Variants in KMT2C observed in about 807,000 individuals in gnomAD.
The protein encoded by KMT2C is lysine methyltransferase 2C.
KMT2C carries 88 observed loss-of-function variants against 507.9 expected under a neutral mutation model. The ratio of observed to expected loss-of-function variants is 0.17; its 90% CI spans 0.15 to 0.21. KMT2C has a LOEUF of 0.21. Among genes scored for constraint, KMT2C ranks in the 10% least tolerant of loss-of-function variants. KMT2C has a pLI of 1.00. For synonymous variants in KMT2C, 2,049 were observed against 2,080.8 expected (o/e 0.98, Z 0.42); for missense variants, 4,954 against 5,957.8 (o/e 0.83, Z 5.55).
intron 1 of KMT2C, among the ~76,000 whole-genome samples, chr7:152,433,427 C>CCTT (rs35470283): frequency 0.59 from 89,178 of 151,636 alleles, 27,792 homozygotes; most frequent in African/African-American, 0.8. Flanking sequence ...AATTCAAAAA[C>CCTT]CTCTTTGCTT....
chr7:152,144,914 T>TA lies in KMT2C; in HGVS notation c.14175-34dup. 1 of 1,579,514 alleles carries TA rather than the reference T, an allele frequency of 6.3e-7. No individual in the cohort carries two copies. The highest frequency in any genetic ancestry group is 8.6e-7 in the Non-Finnish European group (1 of 1,158,450). ...CAATGGCATATCAACAGGAAAAAAA[T>TA]ACAAGGAAAACTGAAGATACCTCTG... On this transcript the variant is annotated intron_variant, in intron 54 of 58. Transcript: ENST00000262189. This position sits in a 1 kb window ranked among gnomAD's most constrained non-coding sequence, Gnocchi z 4.4.
At chr7:152,136,956 G>C (rs1439147480) in intron 58 of KMT2C, 32 bp from the exon 59 acceptor site, 2 of 1,541,782 alleles carry the variant, frequency 1.3e-6, no homozygotes, top group Non-Finnish European at 1.8e-6. Context: ...GGTAAGAAAG[G>C]ACAGCAAGGA....
At chr7:152,374,321 A>T (rs2097312391) in intron 1 of KMT2C, among the ~76,000 whole-genome samples, 2 of 146,602 alleles carry the variant, frequency 1.4e-5, no homozygotes, top group African/African-American at 5.5e-5. Flanking sequence ...GTCTCAAAAA[A>T]TAGTAATAAT....
At chr7:152,314,363 A>C (rs1490597777) in intron 4 of KMT2C, among the ~76,000 whole-genome samples, 2 of 152,218 alleles carry the variant, frequency 1.3e-5, no homozygotes, top group East Asian at 1.9e-4. Flanking sequence ...ATTTTTACAC[A>C]TTCTCATCAA....
At chr7:152,264,341 C>T (rs960440852) in intron 8 of KMT2C, among the ~76,000 whole-genome samples, 2 of 152,068 alleles carry the variant, frequency 1.3e-5, no homozygotes, top group Admixed American at 1.3e-4. Context: ...GGTAACATCC[C>T]CAAATTATCA....
rs1349699058 is a variant in KMT2C, at chr7:152,148,322, A to G, written c.13605T>C (p.Ile4535=). The change falls in exon 52 of 59, where the codon ATT becomes ATC. Residue 4535 remains isoleucine, a synonymous_variant. Transcript: ENST00000262189. The surrounding 1 kb of genome is among the most constrained non-coding windows in gnomAD (Gnocchi z 7.1). ...VYVQRDEVRQ[I]ASIVQRGERD... is the part of the protein sequence containing the mutation. The stretch of plus-strand genomic sequence containing the variant: ...GTTCTCCTCGTTGCACGATGCTAGC[A>G]ATCTGTCGCACCTCATCACGCTGAA... The G allele has an allele frequency of 6.2e-7, 1 of 1,614,264 alleles. No individual in the cohort carries two copies. The highest frequency in any genetic ancestry group is 1.7e-5 in the Admixed American group (1 of 60,032).
At chr7:152,273,479 C>T (rs2096015229) in intron 7 of KMT2C, among the ~76,000 whole-genome samples, 1 of 152,092 alleles carries the variant, frequency 6.6e-6, no homozygotes, top group African/African-American at 2.4e-5. Flanking sequence ...ACCATGCAAA[C>T]TTTATTTGAT....
intron 6 of KMT2C, among the ~76,000 whole-genome samples, chr7:152,299,185 G>C (rs1428326190): frequency 6.6e-6 from 1 of 151,974 alleles, no homozygotes; most frequent in African/African-American, 2.4e-5. Flanking sequence ...GGGTGTGGTG[G>C]TGCACGTCTG....
At chr7:152,371,369 A>G (rs1477152373) in intron 1 of KMT2C, among the ~76,000 whole-genome samples, 2 of 151,794 alleles carry the variant, frequency 1.3e-5, no homozygotes, top group Non-Finnish European at 3.0e-5. Flanking sequence ...TAACCACAAA[A>G]AAAAGGCTGT....
At position 152,311,577 on chromosome 7, in the gene KMT2C, G is replaced by C. The variant is rs892790275; in HGVS notation, c.739+221C>G. On this transcript the variant is annotated intron_variant, in intron 5 of 58. Transcript: ENST00000262189. The stretch of plus-strand genomic sequence containing the variant: ...GCTATCTACACAAGAAAAAATACAA[G>C]TATTTTAAAAAGCATCCAGTCCGGT... Among the ~76,000 whole-genome samples the C allele has an allele frequency of 2.6e-5, 4 of 152,138 alleles. No individual in the cohort carries two copies. The South Asian group carries it at 6.2e-4, about 24-fold the overall frequency.
chr7:152,326,425 T>C (rs1437818590), intron 3 of KMT2C, among the ~76,000 whole-genome samples: 1 of 152,160 alleles, frequency 6.6e-6, no homozygotes, highest in African/African-American at 2.4e-5. Context: ...TATTATTTTA[T>C]ATTATTGGAA....
intron 3 of KMT2C, among the ~76,000 whole-genome samples, chr7:152,321,041 C>G (rs2096768584): frequency 6.6e-6 from 1 of 151,906 alleles, no homozygotes; most frequent in African/African-American, 2.4e-5. Context: ...TGAGACCAGC[C>G]TGACCAACAT....
chr7:152,399,676 G>A (rs1450593993), intron 1 of KMT2C, among the ~76,000 whole-genome samples: 1 of 151,590 alleles, frequency 6.6e-6, no homozygotes, highest in Admixed American at 6.6e-5. Context: ...ATATAAATGA[G>A]ACTAAGATAA....
At chr7:152,204,228 G>A (rs999781968) in intron 25 of KMT2C, among the ~76,000 whole-genome samples, 23 of 152,134 alleles carry the variant, frequency 1.5e-4, no homozygotes, top group South Asian at 4.1e-4. Flanking sequence ...GACTCGGGAG[G>A]TGAAGGTTGC....
rs758799285 is a variant in KMT2C, at chr7:152,252,056, G to A, written c.1504C>T (p.His502Tyr). The change falls in exon 11 of 59, where the codon CAT becomes TAT. Residue 502 changes from histidine to tyrosine, a missense_variant. This residue lies in a region of KMT2C where 376 missense variants were observed against 352.4 expected (regional missense o/e 1.07). Coordinates refer to ENST00000262189, the MANE Select transcript of KMT2C (RefSeq NM_170606.3). ...VHLECDKPTD[H>Y]ELDTQLKEEY... ...TCTTTGAGCTGAGTATCCAGTTCAT[G>A]ATCTGTTGGTTTGTCACACTCTAGG... 1 of 1,611,572 alleles carries A rather than the reference G, an allele frequency of 6.2e-7. No individual in the cohort carries two copies. The highest frequency in any genetic ancestry group is 8.5e-7 in the Non-Finnish European group (1 of 1,178,580).
intron 1 of KMT2C, among the ~76,000 whole-genome samples, chr7:152,389,352 CAA>C (rs386411673): frequency 1.3e-4 from 10 of 77,666 alleles, no homozygotes; most frequent in Non-Finnish European, 1.7e-4. Flanking sequence ...GACTCCGTCT[CAA>C]AAAAAAAAAA....
Position 152,139,824 on chromosome 7 carries a change from T to C in KMT2C, c.14344-33A>G, listed in dbSNP as rs1587600198. The C allele has an allele frequency of 4.8e-6, 7 of 1,449,986 alleles. No homozygotes were observed. In the East Asian group the frequency reaches 1.6e-4, roughly 33 times the overall value. The allele number at this position is 1,449,986 out of a possible 1,614,324, so 89.8% of individuals were successfully genotyped here. A position where few individuals can be genotyped will look rare whatever the true frequency, so the allele number is the denominator to read the frequency against. ...AAAGTGTGTACATACTTCCAATTTATGTGACAACAAGTCTTTTTTCTGTTT... is the reference window on the plus strand; with the variant it reads ...AAAGTGTGTACATACTTCCAATTTACGTGACAACAAGTCTTTTTTCTGTTT... On this transcript the variant is annotated intron_variant, in intron 55 of 58. Coordinates refer to ENST00000262189, the MANE Select transcript of KMT2C (RefSeq NM_170606.3).
chr7:152,375,973 C>CGG (rs1390845100), intron 1 of KMT2C, among the ~76,000 whole-genome samples: 3 of 152,078 alleles, frequency 2.0e-5, no homozygotes, highest in Admixed American at 6.5e-5. Flanking sequence ...TGTACCACCA[C>CGG]ACCTGGCTGA....
chr7:152,363,425 A>G (rs1038606068), intron 1 of KMT2C, among the ~76,000 whole-genome samples: 28 of 152,234 alleles, frequency 1.8e-4, no homozygotes, highest in African/African-American at 6.8e-4. Context: ...TTGAGTTCCT[A>G]AAGTAACATA....
Sources: gnomAD v4.1 joint callset for allele counts (sites outside exome capture counted in the v4.1 genomes callset) on GRCh38, gnomAD v4.1.1 for gene constraint, gnomAD v4.1.1 regional missense constraint, Gnocchi (gnomAD v3.1) non-coding constraint, MANE v1.5 for transcripts, NCBI Gene and HGNC (gene_info 2026-07-23, HGNC 2026-07-21) for gene names.